The following FGGY variants were observed in gnomAD, a reference collection of about 807,000 sequenced individuals.
FGGY encodes the protein FGGY carbohydrate kinase domain-containing protein.
Under a neutral mutation model 71.3 loss-of-function variants are expected in FGGY, and 72 were observed. That is an observed-to-expected ratio of 1.01 (90% CI 0.84 to 1.23). FGGY has a LOEUF of 1.23. Ranked by LOEUF, FGGY falls within the 50% of genes most tolerant of loss-of-function variation. The probability of loss-of-function intolerance (pLI) is 0.00; values close to 1 mark genes in which losing one functional copy is unlikely to be tolerated. For missense variants in FGGY, 668 were observed against 682.3 expected (o/e 0.98, Z 0.23); for synonymous variants, 251 against 250.3 (o/e 1.00, Z -0.02).
chr1:59,693,735 G>A (rs778555302), intron 14 of FGGY, among the ~76,000 whole-genome samples: 5 of 152,148 alleles, frequency 3.3e-5, no homozygotes, highest in Non-Finnish European at 5.9e-5. Flanking sequence ...GGCCAGGCTC[G>A]GTGGCTCACA....
At chr1:59,422,978 G>T (rs1238027053) in intron 5 of FGGY, among the ~76,000 whole-genome samples, 1 of 152,092 alleles carries the variant, frequency 6.6e-6, no homozygotes, top group African/African-American at 2.4e-5. Flanking sequence ...GAGTCACATA[G>T]TAAACACGTG....
intron 6 of FGGY, among the ~76,000 whole-genome samples, chr1:59,510,647 G>T (rs1051352885): frequency 6.6e-6 from 1 of 152,190 alleles, no homozygotes; most frequent in Non-Finnish European, 1.5e-5. Context: ...TAGCCATGCT[G>T]AAGAAAGTGA....
chr1:59,586,349 C>G (rs2096286491), intron 8 of FGGY, among the ~76,000 whole-genome samples: 2 of 152,074 alleles, frequency 1.3e-5, no homozygotes, highest in Admixed American at 1.3e-4. Context: ...GAGTTCATGT[C>G]CTTTGTAGGG....
intron 4 of FGGY, among the ~76,000 whole-genome samples, chr1:59,377,956 T>G (rs1468408751): frequency 6.6e-6 from 1 of 152,214 alleles, no homozygotes; most frequent in Non-Finnish European, 1.5e-5. Context: ...GGAAGTTCTT[T>G]GAGGGCAGGG....
At chr1:59,453,436 C>T (rs756375186) in intron 5 of FGGY, among the ~76,000 whole-genome samples, 1 of 152,194 alleles carries the variant, frequency 6.6e-6, no homozygotes, top group Non-Finnish European at 1.5e-5. Flanking sequence ...TGAACCACAA[C>T]CAATGCTTGT....
At chr1:59,509,658 A>C (rs1371196664) in intron 6 of FGGY, among the ~76,000 whole-genome samples, 3 of 152,094 alleles carry the variant, frequency 2.0e-5, no homozygotes, top group African/African-American at 7.2e-5. Context: ...CTCAAGACGC[A>C]TCCTCTGCTG....
chr1:59,557,421 C>T (rs36035544), intron 8 of FGGY, among the ~76,000 whole-genome samples: 3,262 of 152,210 alleles, frequency 0.021, 59 homozygotes, highest in Non-Finnish European at 0.035. Flanking sequence ...AATGAATGAA[C>T]GAATGACCAC....
At chr1:59,436,982 C>A (rs1460945039) in intron 5 of FGGY, among the ~76,000 whole-genome samples, 1 of 152,144 alleles carries the variant, frequency 6.6e-6, no homozygotes, top group Non-Finnish European at 1.5e-5. Flanking sequence ...TTTCCCTGAC[C>A]CATTGTTAAT....
chr1:59,606,137 AAATAAT>A (rs1041814104), intron 8 of FGGY, among the ~76,000 whole-genome samples: 1 of 152,000 alleles, frequency 6.6e-6, no homozygotes, highest in Admixed American at 6.6e-5. Flanking sequence ...GTCTGTTAAA[AAATAAT>A]AATAATAATA....
intron 14 of FGGY, among the ~76,000 whole-genome samples, chr1:59,729,256 C>T (rs1007529797): frequency 2.0e-5 from 3 of 151,812 alleles, no homozygotes; most frequent in Non-Finnish European, 2.9e-5. Context: ...TTTCGTCTCT[C>T]GTTACATTGT....
At chr1:59,697,829 G>A in intron 14 of FGGY, 1 of 617,532 alleles carries the variant, frequency 1.6e-6, no homozygotes, top group Non-Finnish European at 2.4e-6. Context: ...CAAGGCTTCA[G>A]TCAATCAGAG....
At chr1:59,724,709 A>G (rs531538921) in intron 14 of FGGY, among the ~76,000 whole-genome samples, 1 of 152,238 alleles carries the variant, frequency 6.6e-6, no homozygotes, top group African/African-American at 2.4e-5. Flanking sequence ...TGCTGTTTTA[A>G]TATGCAATTT....
At chr1:59,719,285 G>T (rs1342517379) in intron 14 of FGGY, among the ~76,000 whole-genome samples, 1 of 152,048 alleles carries the variant, frequency 6.6e-6, no homozygotes, top group Non-Finnish European at 1.5e-5. Flanking sequence ...TTTAAATACT[G>T]CACAGGATGC....
chr1:59,556,967 G>T (rs1475571563), intron 8 of FGGY, among the ~76,000 whole-genome samples: 1 of 152,108 alleles, frequency 6.6e-6, no homozygotes, highest in Non-Finnish European at 1.5e-5. Context: ...CTTTGTACTT[G>T]GGAGTGGGAA....
At chr1:59,380,364 T>C (rs1375968627) in intron 5 of FGGY, among the ~76,000 whole-genome samples, 1 of 151,554 alleles carries the variant, frequency 6.6e-6, no homozygotes, top group Non-Finnish European at 1.5e-5. Context: ...CCCTGAGGAA[T>C]CGCCACACTG....
chr1:59,595,899 C>A (rs546550652), intron 8 of FGGY, among the ~76,000 whole-genome samples: 1 of 152,086 alleles, frequency 6.6e-6, no homozygotes, highest in Non-Finnish European at 1.5e-5. Context: ...TGCTTCACAT[C>A]GAAGGCATTT....
intron 4 of FGGY, among the ~76,000 whole-genome samples, chr1:59,360,071 T>C (rs183881547): frequency 1.1e-3 from 169 of 152,172 alleles, no homozygotes; most frequent in Middle Eastern, 3.4e-3. Flanking sequence ...TCTCTCATTT[T>C]ACCGATTAAT....
intron 7 of FGGY, among the ~76,000 whole-genome samples, chr1:59,530,921 A>G (rs2095124432): frequency 6.6e-6 from 1 of 152,214 alleles, no homozygotes; most frequent in Non-Finnish European, 1.5e-5. Context: ...TTAATGGACC[A>G]GAAGACGGGA....
At chr1:59,492,891 T>A (rs955025652) in intron 6 of FGGY, among the ~76,000 whole-genome samples, 1 of 152,182 alleles carries the variant, frequency 6.6e-6, no homozygotes, top group African/African-American at 2.4e-5. Flanking sequence ...ATTGAGTTAC[T>A]TTTTAGCTTT....
Sources: gnomAD v4.1 joint callset for allele counts (sites outside exome capture counted in the v4.1 genomes callset) on GRCh38, gnomAD v4.1.1 for gene constraint, MANE v1.5 for transcripts, NCBI Gene and HGNC (gene_info 2026-07-23, HGNC 2026-07-21) for gene names.